NCALD: variants seen among roughly 807,000 people sequenced by gnomAD.
NCALD encodes neurocalcin-delta.
In NCALD, 10 loss-of-function variants were observed where a neutral mutation model predicts 18.6. That is an observed-to-expected ratio of 0.54 (90% CI 0.33 to 0.91). The LOEUF is 0.91. Among genes scored for constraint, NCALD ranks in the 40% least tolerant of loss-of-function variants. NCALD has a pLI of 0.03. For missense variants in NCALD, 184 were observed against 247.6 expected (o/e 0.74, Z 1.72); for synonymous variants, 88 against 87.4 (o/e 1.01, Z -0.04).
intron 4 of NCALD, among the ~76,000 whole-genome samples, chr8:101,854,358 A>G (rs1200272355): frequency 6.6e-6 from 1 of 152,122 alleles, no homozygotes; most frequent in Non-Finnish European, 1.5e-5. Flanking sequence ...ACTGGTTTTA[A>G]TTTGGTTACT....
In NCALD at chr8:101,819,267, ATTTAT is replaced by A. The variant is rs772733287; in HGVS notation, c.-20+67869_-20+67873del. 2.5e-3 allele frequency among the ~76,000 whole-genome samples: 365 copies of A among 147,584 alleles called. 2 individuals are homozygous for A. The highest frequency in any genetic ancestry group is 0.012 in the South Asian group (56 of 4,730). ...TGTTTACTTATAAATACATAACTTT[ATTTAT>A]TTATTTATTTATTTATTTATTTATT... On this transcript the variant is annotated intron_variant, in intron 4 of 6. Coordinates refer to the NCALD transcript ENST00000311028.
At chr8:102,090,757 T>G (rs1824898368) in intron 1 of NCALD, among the ~76,000 whole-genome samples, 1 of 152,224 alleles carries the variant, frequency 6.6e-6, no homozygotes, top group African/African-American at 2.4e-5. Flanking sequence ...ATTTGGAAAC[T>G]AGTTGTGAGT....
intron 2 of NCALD, among the ~76,000 whole-genome samples, chr8:101,997,236 T>G (rs1821271105): frequency 6.6e-6 from 1 of 152,234 alleles, no homozygotes; most frequent in African/African-American, 2.4e-5. Context: ...CTTAACATTT[T>G]GTGATATAAA....
At chr8:101,705,001 G>A (rs776443098) in intron 2 of NCALD, among the ~76,000 whole-genome samples, 13 of 151,932 alleles carry the variant, frequency 8.6e-5, no homozygotes, top group Non-Finnish European at 1.6e-4. Flanking sequence ...CGAGGTGGGC[G>A]GATCACAAGG....
rs540017962 is a variant in NCALD at position 101,830,127 on chromosome 8, G to A, written c.-20+57014C>T. Reference sequence around the variant, plus strand: ...GGGAACTGCAGAGGTTTGTCTTTCCGTTTGGATGTCGTGAGGTTAAATGAA... The same window carrying A: ...GGGAACTGCAGAGGTTTGTCTTTCCATTTGGATGTCGTGAGGTTAAATGAA... On this transcript the variant is annotated intron_variant, in intron 4 of 6. Transcript: ENST00000311028. 1.2e-4 allele frequency among the ~76,000 whole-genome samples: 18 copies of A among 152,144 alleles called. No individual in the cohort carries two copies. The East Asian group carries it at 1.7e-3, about 15-fold the overall frequency.
At chr8:102,086,805 T>C (rs559579320) in intron 1 of NCALD, among the ~76,000 whole-genome samples, 5 of 152,234 alleles carry the variant, frequency 3.3e-5, no homozygotes, top group African/African-American at 4.8e-5. Flanking sequence ...AGATAGGAGA[T>C]CAGCACAAGA....
chr8:101,868,715 A>G (rs1815880275), intron 4 of NCALD, among the ~76,000 whole-genome samples: 1 of 152,224 alleles, frequency 6.6e-6, no homozygotes. Context: ...ATCACAGGCC[A>G]CTACTTCATT....
At chr8:101,832,726 T>C (rs1814239347) in intron 4 of NCALD, among the ~76,000 whole-genome samples, 1 of 152,240 alleles carries the variant, frequency 6.6e-6, no homozygotes, top group South Asian at 2.1e-4. Flanking sequence ...CTCATATAAA[T>C]AGTGAAAATG....
chr8:101,782,107 A>AT (rs199594151), intron 1 of NCALD, among the ~76,000 whole-genome samples: 39 of 147,904 alleles, frequency 2.6e-4, no homozygotes, highest in African/African-American at 9.1e-4. Context: ...ATATACATAT[A>AT]ATATATATTT....
rs113517845 is a variant in NCALD at position 101,813,796 on chromosome 8, A to T, written c.-20+73345T>A. Among the ~76,000 whole-genome samples, 867 of 152,168 alleles carry T rather than the reference A, an allele frequency of 5.7e-3. 11 individuals carry two copies. Among genetic ancestry groups the T allele is most frequent in the African/African-American group, 0.018 (762 of 41,518 alleles). On this transcript the variant is annotated intron_variant, in intron 4 of 6. Coordinates refer to the NCALD transcript ENST00000311028. ...ATAGGATTTGGTCCAGATTTTGCCA[A>T]AGAAAACTCTCAAGATTAGAATTCA...
chr8:101,957,749 T>C (rs951809480), intron 2 of NCALD, among the ~76,000 whole-genome samples: 1 of 152,060 alleles, frequency 6.6e-6, no homozygotes, highest in Non-Finnish European at 1.5e-5. Flanking sequence ...GGATGGCAAG[T>C]AAAAGATGAG....
chr8:101,991,680 G>A (rs556579623), intron 2 of NCALD, among the ~76,000 whole-genome samples: 165 of 152,230 alleles, frequency 1.1e-3, no homozygotes, highest in African/African-American at 3.8e-3. Flanking sequence ...ACAGCTCAGC[G>A]AACCATCCTG....
chr8:101,985,048 TAATC>T (rs1820754077), intron 2 of NCALD, among the ~76,000 whole-genome samples: 1 of 152,176 alleles, frequency 6.6e-6, no homozygotes, highest in South Asian at 2.1e-4. Context: ...CCTTATCCCT[TAATC>T]AAAGGGTGAA....
rs1467866771 is a variant in NCALD at position 101,687,330 on chromosome 8, A to G, written c.*1979T>C. The G allele has an allele frequency of 6.5e-6, 1 of 152,698 alleles. No individual in the cohort carries two copies. Among genetic ancestry groups the G allele is most frequent in the Non-Finnish European group, 1.5e-5 (1 of 68,060 alleles). The allele number at this position is 152,698 out of a possible 1,614,324, so 9.5% of individuals were successfully genotyped here. ...TAGGGCATGCTAGGTCTCCTCACCC[A>G]GTCTGCCTTCTGTGTCTTAGGTTAA... On this transcript the variant is annotated 3_prime_UTR_variant, in exon 4 of 4. Transcript: ENST00000220931.
chr8:101,692,407 C>A (rs775328062), intron 3 of NCALD: 7 of 985,246 alleles, frequency 7.1e-6, no homozygotes, highest in Non-Finnish European at 8.4e-6. Flanking sequence ...GGTAGGATCA[C>A]AGAATAACAA....
At chr8:101,943,932 C>G (rs1819060679) in intron 2 of NCALD, among the ~76,000 whole-genome samples, 1 of 151,144 alleles carries the variant, frequency 6.6e-6, no homozygotes, top group Admixed American at 6.6e-5. Flanking sequence ...CAGAGGGAGT[C>G]TGTGTCTCAA....
chr8:101,957,404 A>T (rs575451532), intron 2 of NCALD, among the ~76,000 whole-genome samples: 1 of 151,658 alleles, frequency 6.6e-6, no homozygotes, highest in Non-Finnish European at 1.5e-5. Flanking sequence ...CCAGGAAATC[A>T]AATGAAATCA....
chr8:102,105,059 G>A (rs2132427623), intron 1 of NCALD, among the ~76,000 whole-genome samples: 1 of 152,316 alleles, frequency 6.6e-6, no homozygotes, highest in Middle Eastern at 3.4e-3. Context: ...GAGGAACACA[G>A]AGCCAAGAGA....
chr8:101,868,653 C>T lies in NCALD; in HGVS notation c.-20+18488G>A, dbSNP rs576788036. Among the ~76,000 whole-genome samples, 70 of 152,270 alleles carry T rather than the reference C, an allele frequency of 4.6e-4. 3 individuals are homozygous for T. In the South Asian group the frequency reaches 0.014, roughly 31 times the overall value. The stretch of plus-strand genomic sequence containing the variant: ...GGTTGCAGAAGGCAACTCCTTGACG[C>T]ATGAGGAGAAGCACAGACCAAAAAC... On this transcript the variant is annotated intron_variant, in intron 4 of 6. Transcript: ENST00000311028.
Sources: gnomAD v4.1 joint callset for allele counts (sites outside exome capture counted in the v4.1 genomes callset) on GRCh38, gnomAD v4.1.1 for gene constraint, MANE v1.5 for transcripts, NCBI Gene and HGNC (gene_info 2026-07-23, HGNC 2026-07-21) for gene names.